The following KIF26B variants were observed in gnomAD, a reference collection of about 807,000 sequenced individuals.
KIF26B encodes kinesin-like protein KIF26B.
Under a neutral mutation model 151.2 loss-of-function variants are expected in KIF26B, and 63 were observed. That is an observed-to-expected ratio of 0.42 (90% CI 0.34 to 0.51). The LOEUF is 0.51. KIF26B is among the 20% of genes least tolerant of loss of function. The probability of loss-of-function intolerance (pLI) is 0.07; values close to 1 mark genes in which losing one functional copy is unlikely to be tolerated. For missense variants in KIF26B, 2,813 were observed against 2,913.6 expected, an observed-to-expected ratio of 0.97 and a Z score of 0.79; for synonymous variants, 1,357 against 1,262.1, an observed-to-expected ratio of 1.08 and a Z score of -1.59.
At chr1:245,697,689 G>A (rs1253877430) in intron 12 of KIF26B, among the ~76,000 whole-genome samples, 1 of 152,036 alleles carries the variant, frequency 6.6e-6, no homozygotes, top group African/African-American at 2.4e-5. Context: ...ATCCTGGGGT[G>A]CTTGTCATGA....
chr1:245,519,862 C>T (rs1265894505), intron 4 of KIF26B, among the ~76,000 whole-genome samples: 1 of 152,098 alleles, frequency 6.6e-6, no homozygotes, highest in East Asian at 1.9e-4. Flanking sequence ...GTGGTTCGTC[C>T]TTGACTGAAA....
rs1475070154 is a variant in KIF26B at position 245,592,007 on chromosome 1, T to C, written c.1351-10570T>C. On this transcript the variant is annotated intron_variant, in intron 5 of 14. Transcript: ENST00000407071. The stretch of plus-strand genomic sequence containing the variant: ...GGGCTTGCCTGGTGACAGACTCGTG[T>C]TGATGAAGACCTTTAGGGAATTTCC... Among the ~76,000 whole-genome samples the C allele has an allele frequency of 2.0e-4, 30 of 152,184 alleles. 1 individual carries two copies. Among genetic ancestry groups the C allele is most frequent in the Non-Finnish European group, 1.5e-5 (1 of 68,032 alleles).
chr1:245,679,438 TTGTGTTTTTTTTGTG>T (rs1460051393), intron 10 of KIF26B, among the ~76,000 whole-genome samples: 18 of 150,628 alleles, frequency 1.2e-4, no homozygotes, highest in Non-Finnish European at 2.1e-4. Context: ...TGGGGGTTTT[TTGTGTTTTTTTTGTG>T]TGTGTTTTTT....
chr1:245,231,439 C>T (rs927330919), intron 2 of KIF26B, among the ~76,000 whole-genome samples: 1 of 152,050 alleles, frequency 6.6e-6, no homozygotes, highest in African/African-American at 2.4e-5. Flanking sequence ...TCGCTTGATC[C>T]CGGGAGGTGG....
intron 4 of KIF26B, among the ~76,000 whole-genome samples, chr1:245,534,668 A>T (rs1314993354): frequency 6.6e-6 from 1 of 151,942 alleles, no homozygotes; most frequent in Non-Finnish European, 1.5e-5. Context: ...TTTTAAGTTA[A>T]TTTTTCTGCT....
At chr1:245,422,859 G>A (rs1658522844) in intron 4 of KIF26B, among the ~76,000 whole-genome samples, 1 of 152,158 alleles carries the variant, frequency 6.6e-6, no homozygotes. Flanking sequence ...AGTACTTTGG[G>A]AGACCAAGGT....
chr1:245,399,878 T>G (rs1297499170), intron 3 of KIF26B, among the ~76,000 whole-genome samples: 1 of 152,232 alleles, frequency 6.6e-6, no homozygotes, highest in Non-Finnish European at 1.5e-5. Flanking sequence ...TTTCAGATGG[T>G]AACATTTAAT....
chr1:245,376,008 C>T lies in KIF26B; in HGVS notation c.999+8641C>T, dbSNP rs567415482. 1.6e-4 allele frequency among the ~76,000 whole-genome samples: 24 copies of T among 152,216 alleles called. No homozygotes were observed. In the South Asian group the frequency reaches 5.0e-3, roughly 32 times the overall value. Reference sequence around the variant, plus strand: ...TAAGTAGCACACCACAGCGACTCTCCATTGGTAGCTAGTCATTACAATTAT... The same window carrying T: ...TAAGTAGCACACCACAGCGACTCTCTATTGGTAGCTAGTCATTACAATTAT... On this transcript the variant is annotated intron_variant, in intron 3 of 14. Coordinates refer to ENST00000407071, the MANE Select transcript of KIF26B (RefSeq NM_018012.4).
At chr1:245,174,305 C>T (rs1232086206) in intron 2 of KIF26B, among the ~76,000 whole-genome samples, 2 of 152,080 alleles carry the variant, frequency 1.3e-5, no homozygotes, top group Non-Finnish European at 2.9e-5. Flanking sequence ...GGGTCATTGC[C>T]ACTATTTTCC....
intron 5 of KIF26B, among the ~76,000 whole-genome samples, chr1:245,599,484 C>T (rs2043369048): frequency 6.6e-6 from 1 of 152,206 alleles, no homozygotes; most frequent in African/African-American, 2.4e-5. Context: ...ACCAATGACT[C>T]ACTCATTCAG....
At chr1:245,172,217 G>T (rs35332241) in intron 2 of KIF26B, among the ~76,000 whole-genome samples, 11,895 of 136,134 alleles carry the variant, frequency 0.087, 668 homozygotes, top group Non-Finnish European at 0.12. Flanking sequence ...CCAGTCTGGT[G>T]GGGGGGGTGG....
intron 4 of KIF26B, among the ~76,000 whole-genome samples, chr1:245,533,502 G>T (rs1661423088): frequency 6.6e-6 from 1 of 152,146 alleles, no homozygotes. Flanking sequence ...TTAGGATAGG[G>T]TTAGGAACAC....
At chr1:245,191,588 A>G (rs752898225) in intron 2 of KIF26B, among the ~76,000 whole-genome samples, 2 of 152,228 alleles carry the variant, frequency 1.3e-5, no homozygotes, top group Non-Finnish European at 2.9e-5. Flanking sequence ...GAGAAAATAT[A>G]GACAGGTTTG....
chr1:245,293,978 AT>A (rs1336517712), intron 2 of KIF26B, among the ~76,000 whole-genome samples: 1 of 152,180 alleles, frequency 6.6e-6, no homozygotes, highest in Admixed American at 6.5e-5. Flanking sequence ...AAGTCTTTGA[AT>A]TTGCAAGTTA....
chr1:245,156,804 G>C, intron 2 of KIF26B, 121 bp downstream of exon 2: 1 of 560,852 alleles, frequency 1.8e-6, no homozygotes, highest in South Asian at 5.1e-5. Flanking sequence ...GCCCCCGGCG[G>C]CGCTGGGGAT....
intron 4 of KIF26B, among the ~76,000 whole-genome samples, chr1:245,440,989 C>A (rs1314899888): frequency 6.6e-6 from 1 of 152,176 alleles, no homozygotes; most frequent in Admixed American, 6.5e-5. Context: ...TTGTTTCATG[C>A]CTGAAAGGAG....
Position 245,564,096 on chromosome 1 carries a change from C to T in KIF26B, c.1350+23146C>T, listed in dbSNP as rs2042983872. 1.3e-5 allele frequency among the ~76,000 whole-genome samples: 2 copies of T among 152,162 alleles called. No homozygotes were observed. Among genetic ancestry groups the T allele is most frequent in the Non-Finnish European group, 2.9e-5 (2 of 68,028 alleles). ...AGTCCAATCCCAAGTACCAGTCAGGCTCCCACCGTCCCTTCCTATCCCAAA... is the reference window on the plus strand; with the variant it reads ...AGTCCAATCCCAAGTACCAGTCAGGTTCCCACCGTCCCTTCCTATCCCAAA... On this transcript the variant is annotated intron_variant, in intron 5 of 14. Coordinates refer to ENST00000407071, the MANE Select transcript of KIF26B (RefSeq NM_018012.4). The surrounding 1 kb of genome is among the most constrained non-coding windows in gnomAD (Gnocchi z 4.6).
chr1:245,620,199 CTCTT>C (rs1260084787), intron 9 of KIF26B, among the ~76,000 whole-genome samples: 14 of 152,258 alleles, frequency 9.2e-5, no homozygotes, highest in East Asian at 7.7e-4. Flanking sequence ...CCAAGGCTCT[CTCTT>C]TGAGTTTTCA....
intron 4 of KIF26B, among the ~76,000 whole-genome samples, chr1:245,469,371 A>C (rs1659860581): frequency 6.6e-6 from 1 of 152,258 alleles, no homozygotes; most frequent in Non-Finnish European, 1.5e-5. Flanking sequence ...TCAAGCCATT[A>C]ACTGGCTTTA....
Sources: allele counts gnomAD v4.1 joint callset (sites outside exome capture counted in the v4.1 genomes callset), GRCh38; gene constraint gnomAD v4.1.1; non-coding constraint Gnocchi (gnomAD v3.1); transcripts MANE v1.5; gene names NCBI Gene and HGNC (gene_info 2026-07-23, HGNC 2026-07-21).